The following SYT14 variants were observed in gnomAD, a reference collection of about 807,000 sequenced individuals.
The protein encoded by SYT14 is synaptotagmin-14.
SYT14 carries 32 observed loss-of-function variants against 74.2 expected under a neutral mutation model. That is an observed-to-expected ratio of 0.43 (90% confidence interval 0.33 to 0.58). The LOEUF is 0.58. Ranked by LOEUF, SYT14 falls within the 20% of genes least tolerant of loss-of-function variation. The pLI, the probability that SYT14 is intolerant of heterozygous loss-of-function variation, is 0.05. For synonymous variants in SYT14, 298 were observed against 337.7 expected, an observed-to-expected ratio of 0.88 and a Z score of 1.29; for missense variants, 791 against 981.8, an observed-to-expected ratio of 0.81 and a Z score of 2.60.
chr1:210,016,277 A>T (rs1037066727), exon 4 of SYT14: 1 of 1,232,072 alleles, frequency 8.1e-7, no homozygotes, highest in African/African-American at 1.6e-5. Context: ...AACACAAGCC[A>T]ATTTAGAGCA....
rs2171989 is a variant in SYT14 at position 210,044,118 on chromosome 1, G to T, written c.1312+22864G>T. Reference sequence around the variant, plus strand: ...CTTATCTCCACTGCTGTAATTGGCTGGTTGGTGCCAATGTCGTAAATAGAA... The same window carrying T: ...CTTATCTCCACTGCTGTAATTGGCTTGTTGGTGCCAATGTCGTAAATAGAA... On this transcript the variant is annotated intron_variant, in intron 5 of 9. Transcript: ENST00000637265. 7.9e-3 allele frequency among the ~76,000 whole-genome samples: 1,197 copies of T among 152,218 alleles called. 21 individuals are homozygous for T. The highest frequency in any genetic ancestry group is 0.028 in the African/African-American group (1,143 of 41,544).
chr1:210,008,366 A>ATT (rs11382937), intron 2 of SYT14, among the ~76,000 whole-genome samples: 19 of 149,980 alleles, frequency 1.3e-4, no homozygotes, highest in Non-Finnish European at 1.8e-4. Context: ...TTTAAATAGA[A>ATT]TTTTTTTTTT....
chr1:209,976,605 A>C (rs1255939133), intron 2 of SYT14, among the ~76,000 whole-genome samples: 1 of 151,480 alleles, frequency 6.6e-6, no homozygotes, highest in Non-Finnish European at 1.5e-5. Flanking sequence ...ACATTTGCTG[A>C]GGAGTCCTTT....
At position 209,990,529 on chromosome 1, in the gene SYT14, A is replaced by ATATATATACG. The variant is rs1162042983; in HGVS notation, c.-485-23095_-485-23086dup. Among the ~76,000 whole-genome samples, 28 of 54,512 alleles carry ATATATATACG rather than the reference A, an allele frequency of 5.1e-4. 4 individuals carry two copies. The Admixed American group carries it at 6.3e-3, about 12-fold the overall frequency. 35.8% of individuals were successfully genotyped at this position (54,512 alleles called of 152,430 possible). ...AAGGATGAAGGAATATTTCACATAT[A>ATATATATACG]TATATATACGTATATATATGTATAT... On this transcript the variant is annotated intron_variant, in intron 2 of 9. Coordinates refer to ENST00000637265, the Ensembl canonical transcript of SYT14.
chr1:210,094,182 G>A (rs2081927160), intron 5 of SYT14, 140 bp from the exon 5 acceptor site: 1 of 1,111,612 alleles, frequency 9.0e-7, no homozygotes, highest in South Asian at 1.4e-5. Context: ...TAGGGAAAAA[G>A]AGAAGTCATT....
At chr1:210,076,167 A>C (rs1486518875) in intron 5 of SYT14, among the ~76,000 whole-genome samples, 1 of 152,128 alleles carries the variant, frequency 6.6e-6, no homozygotes, top group Non-Finnish European at 1.5e-5. Context: ...TTATTGAGAT[A>C]CTTGACTTAA....
intron 5 of SYT14, among the ~76,000 whole-genome samples, chr1:210,025,880 G>A (rs747286431): frequency 1.5e-4 from 23 of 152,056 alleles, no homozygotes; most frequent in Non-Finnish European, 2.5e-4. Flanking sequence ...AGTTGACAGC[G>A]AAATTAATGT....
At chr1:210,042,710 T>A (rs1472811800) in intron 5 of SYT14, among the ~76,000 whole-genome samples, 1 of 152,212 alleles carries the variant, frequency 6.6e-6, no homozygotes, top group Non-Finnish European at 1.5e-5. Flanking sequence ...TCCATTGGTC[T>A]ATGTATCTGT....
intron 5 of SYT14, among the ~76,000 whole-genome samples, chr1:210,038,858 T>A (rs1170740034): frequency 6.6e-6 from 1 of 152,150 alleles, no homozygotes; most frequent in Non-Finnish European, 1.5e-5. Context: ...TTTTCCTTCA[T>A]ATTGACTTTA....
chr1:210,131,569 A>G (rs1297699778), intron 7 of SYT14, among the ~76,000 whole-genome samples: 1 of 151,556 alleles, frequency 6.6e-6, no homozygotes, highest in Admixed American at 6.6e-5. Flanking sequence ...ATATGTACAT[A>G]TACATATTTA....
At chr1:210,100,517 C>A in intron 7 of SYT14, 56 bp downstream of exon 6, 1 of 1,540,568 alleles carries the variant, frequency 6.5e-7, no homozygotes, top group Non-Finnish European at 8.9e-7. Flanking sequence ...TTATAGTATG[C>A]ACAATTTTAA....
intron 7 of SYT14, among the ~76,000 whole-genome samples, chr1:210,155,404 T>C (rs2083248382): frequency 6.6e-6 from 1 of 152,228 alleles, no homozygotes; most frequent in African/African-American, 2.4e-5. Flanking sequence ...GTTGATAATC[T>C]TTAAACAATA....
intron 2 of SYT14, chr1:209,965,985 C>T (rs890825536): frequency 2.2e-6 from 1 of 452,846 alleles, no homozygotes; most frequent in African/African-American, 2.0e-5. Flanking sequence ...ATTCTTCTGC[C>T]TCAGCATCCC....
chr1:209,989,401 G>C (rs1364848949), intron 2 of SYT14, among the ~76,000 whole-genome samples: 1 of 152,076 alleles, frequency 6.6e-6, no homozygotes, highest in East Asian at 1.9e-4. Flanking sequence ...GGACAATGTA[G>C]GTTTATGAAT....
chr1:210,018,041 A>C (rs181313091), intron 4 of SYT14, among the ~76,000 whole-genome samples: 3 of 152,362 alleles, frequency 2.0e-5, no homozygotes, highest in Admixed American at 6.5e-5. Flanking sequence ...TTTTACAGTG[A>C]TATAGGAGAG....
chr1:209,952,834 C>A lies in SYT14; in HGVS notation c.-486+78C>A, dbSNP rs571786842. On this transcript the variant is annotated intron_variant, in intron 2 of 9. Coordinates refer to ENST00000637265, the Ensembl canonical transcript of SYT14. ...TGTATAATAGATTTTAGTAGGATGG[C>A]GGATAATTTGTATTTATGAAGTGTA... 8.8e-6 allele frequency: 12 copies of A among 1,358,064 alleles called. No homozygotes were observed. In the Admixed American group the frequency reaches 1.4e-4, roughly 16 times the overall value. 84.1% of individuals were successfully genotyped at this position (1,358,064 alleles called of 1,614,324 possible). A position where few individuals can be genotyped will look rare whatever the true frequency, so the allele number is the denominator to read the frequency against.
chr1:210,104,922 C>A (rs1339211687), intron 7 of SYT14, among the ~76,000 whole-genome samples: 1 of 151,930 alleles, frequency 6.6e-6, no homozygotes, highest in Non-Finnish European at 1.5e-5. Context: ...GGTGAGTTGC[C>A]TTTTAGGAAA....
chr1:210,164,098 T>A (rs1041046662), exon 10 of SYT14: 13 of 451,460 alleles, frequency 2.9e-5, no homozygotes, highest in Non-Finnish European at 5.3e-5. Flanking sequence ...ACAAAATGTA[T>A]GTCAAATCAG....
chr1:210,023,697 C>A lies in SYT14; in HGVS notation c.1312+2443C>A, dbSNP rs1365233087. On this transcript the variant is annotated intron_variant, in intron 5 of 9. Transcript: ENST00000637265. ...AGATACAGAGAGTAGGAGGTGATTT[C>A]GATTTTGGGAAGTAGGAATCTGAGG... Among the ~76,000 whole-genome samples, 3 of 152,056 alleles carry A rather than the reference C, an allele frequency of 2.0e-5. 1 individual carries two copies. In the East Asian group the frequency reaches 5.8e-4, roughly 29 times the overall value.
Sources: allele counts gnomAD v4.1 joint callset (sites outside exome capture counted in the v4.1 genomes callset), GRCh38; gene constraint gnomAD v4.1.1; transcripts MANE v1.5; gene names NCBI Gene and HGNC (gene_info 2026-07-23, HGNC 2026-07-21).